The following CSMD1 variants were observed in gnomAD, a reference collection of about 807,000 sequenced individuals.
The protein encoded by CSMD1 is CUB and sushi domain-containing protein 1.
Under a neutral mutation model 417.5 loss-of-function variants are expected in CSMD1, and 213 were observed. The observed-to-expected ratio is 0.51, with a 90% CI of 0.46 to 0.57. The LOEUF (loss-of-function observed/expected upper bound fraction) is 0.57. CSMD1 is among the 20% of genes least tolerant of loss of function. CSMD1 has a pLI of 0.00. For synonymous variants in CSMD1, 2,862 were observed against 1,736.8 expected, an observed-to-expected ratio of 1.65 and a Z score of -16.11; for missense variants, 6,923 against 4,529.7, an observed-to-expected ratio of 1.53 and a Z score of -15.17.
At chr8:4,100,401 C>T (rs1801245138) in intron 3 of CSMD1, among the ~76,000 whole-genome samples, 1 of 152,174 alleles carries the variant, frequency 6.6e-6, no homozygotes, top group Non-Finnish European at 1.5e-5. Flanking sequence ...TGTGTCTAGT[C>T]AGCCAACTAC....
chr8:3,928,440 G>A (rs908977639), intron 5 of CSMD1, among the ~76,000 whole-genome samples: 1 of 152,180 alleles, frequency 6.6e-6, no homozygotes, highest in Admixed American at 6.5e-5. Flanking sequence ...TCAAAAACCA[G>A]TAACTGCTGA....
intron 3 of CSMD1, among the ~76,000 whole-genome samples, chr8:4,105,538 G>C (rs1234893372): frequency 2.6e-5 from 4 of 152,164 alleles, no homozygotes; most frequent in African/African-American, 4.8e-5. Context: ...GCTGGATGCA[G>C]ACAATTAAAA....
intron 3 of CSMD1, among the ~76,000 whole-genome samples, chr8:4,097,658 G>A (rs1034894487): frequency 6.6e-6 from 1 of 152,156 alleles, no homozygotes; most frequent in African/African-American, 2.4e-5. Context: ...AACTTTAAAA[G>A]ATGTTCTTGT....
chr8:4,258,174 G>T (rs1196758166), intron 3 of CSMD1, among the ~76,000 whole-genome samples: 2 of 149,980 alleles, frequency 1.3e-5, no homozygotes, highest in Non-Finnish European at 3.0e-5. Flanking sequence ...CAAACTCCTG[G>T]CCTCAAGCAA....
chr8:3,745,420 G>C (rs1345015258), intron 6 of CSMD1, among the ~76,000 whole-genome samples: 1 of 152,194 alleles, frequency 6.6e-6, no homozygotes. Flanking sequence ...CTCTGACAAA[G>C]AAAGGTCTTA....
chr8:4,683,735 C>G (rs1216359801), intron 1 of CSMD1, among the ~76,000 whole-genome samples: 1 of 152,126 alleles, frequency 6.6e-6, no homozygotes, highest in African/African-American at 2.4e-5. Context: ...AGTAAATTTC[C>G]CATTTTTGCA....
At chr8:4,269,636 C>G (rs767795325) in intron 3 of CSMD1, among the ~76,000 whole-genome samples, 8 of 152,094 alleles carry the variant, frequency 5.3e-5, no homozygotes, top group Non-Finnish European at 1.2e-4. Context: ...TTGTAAATAT[C>G]ACACATGACT....
intron 37 of CSMD1, among the ~76,000 whole-genome samples, chr8:3,168,339 G>A (rs1006223229): frequency 2.4e-4 from 36 of 152,246 alleles, no homozygotes; most frequent in African/African-American, 6.7e-4. Context: ...TCTGGCACAC[G>A]ACACACAGAT....
chr8:3,610,767 C>G (rs10216669), intron 8 of CSMD1, among the ~76,000 whole-genome samples: 34,581 of 151,928 alleles, frequency 0.23, 4,131 homozygotes, highest in Admixed American at 0.27. Context: ...TAATGCATCT[C>G]TTTTTAAGGT....
intron 1 of CSMD1, among the ~76,000 whole-genome samples, chr8:4,940,060 G>A (rs1477392337): frequency 6.6e-6 from 1 of 152,182 alleles, no homozygotes; most frequent in Non-Finnish European, 1.5e-5. Flanking sequence ...CAAGAGCTGA[G>A]GTAGGAGAAC....
At chr8:4,669,348 C>G (rs986830583) in intron 1 of CSMD1, among the ~76,000 whole-genome samples, 3 of 152,272 alleles carry the variant, frequency 2.0e-5, no homozygotes, top group East Asian at 3.9e-4. Context: ...ATTGGTAATT[C>G]CTCCAATCCG....
intron 5 of CSMD1, among the ~76,000 whole-genome samples, chr8:3,987,446 C>G (rs2627384): frequency 0.24 from 36,070 of 152,198 alleles, 4,739 homozygotes; most frequent in Admixed American, 0.34. Context: ...TGGTAGGTTT[C>G]TGACTTTTAC....
intron 1 of CSMD1, among the ~76,000 whole-genome samples, chr8:4,725,486 C>T (rs1326709725): frequency 2.0e-5 from 3 of 152,170 alleles, no homozygotes; most frequent in African/African-American, 7.2e-5. Flanking sequence ...TACATAGTTA[C>T]GTGAGCTCCA....
At chr8:3,633,337 C>A (rs1211183107) in intron 7 of CSMD1, among the ~76,000 whole-genome samples, 1 of 152,188 alleles carries the variant, frequency 6.6e-6, no homozygotes, top group African/African-American at 2.4e-5. Context: ...CAGAGGTGCA[C>A]TGTGTCAAAG....
chr8:3,934,739 C>G (rs376573348), intron 5 of CSMD1, among the ~76,000 whole-genome samples: 1 of 151,890 alleles, frequency 6.6e-6, no homozygotes, highest in Non-Finnish European at 1.5e-5. Context: ...CCCAGCTACT[C>G]GGGAGGCTGA....
chr8:4,538,553 G>C (rs887387031), intron 2 of CSMD1, among the ~76,000 whole-genome samples: 1 of 151,960 alleles, frequency 6.6e-6, no homozygotes, highest in African/African-American at 2.4e-5. Flanking sequence ...TGAGGCAGGA[G>C]AATCGCTTGA....
At chr8:3,517,729 T>A (rs767265069) in intron 10 of CSMD1, among the ~76,000 whole-genome samples, 2 of 152,178 alleles carry the variant, frequency 1.3e-5, no homozygotes, top group Admixed American at 6.5e-5. Context: ...GTATAACTCA[T>A]AGGGCTGAGA....
intron 1 of CSMD1, among the ~76,000 whole-genome samples, chr8:4,909,286 C>A (rs569082085): frequency 1.3e-5 from 2 of 151,866 alleles, no homozygotes; most frequent in South Asian, 2.1e-4. Flanking sequence ...TGTTTCAGGG[C>A]TATGACTTTT....
chr8:4,181,647 A>T (rs148878190), intron 3 of CSMD1, among the ~76,000 whole-genome samples: 24 of 152,330 alleles, frequency 1.6e-4, no homozygotes, highest in African/African-American at 5.8e-4. Context: ...GCCTGTAAGA[A>T]AAGTTATAGA....
Sources: allele counts gnomAD v4.1 joint callset (sites outside exome capture counted in the v4.1 genomes callset), GRCh38; gene constraint gnomAD v4.1.1; transcripts MANE v1.5; gene names NCBI Gene and HGNC (gene_info 2026-07-23, HGNC 2026-07-21).